RNF19A: variants seen among roughly 807,000 people sequenced by gnomAD.
RNF19A encodes ring finger protein 19A, RBR E3 ubiquitin protein ligase.
A neutral mutation model predicts 75.7 loss-of-function variants in RNF19A; 32 were observed. The observed-to-expected ratio is 0.42, with a 90% CI of 0.32 to 0.57. The LOEUF (loss-of-function observed/expected upper bound fraction) is 0.57, where lower values mean the gene tolerates loss of function less well. Among genes scored for constraint, RNF19A ranks in the 20% least tolerant of loss-of-function variants. The pLI is 0.10. For synonymous variants in RNF19A, 335 were observed against 345.2 expected (o/e 0.97, Z 0.33); for missense variants, 782 against 1,036.3 (o/e 0.75, Z 3.37).
chr8:100,299,856 T>A (rs1180072805), intron 1 of RNF19A, among the ~76,000 whole-genome samples: 1 of 152,240 alleles, frequency 6.6e-6, no homozygotes, highest in Non-Finnish European at 1.5e-5. Context: ...AAATTATTGA[T>A]AACAGTAGCA....
chr8:100,303,029 C>T (rs528481039), intron 1 of RNF19A: 1 of 152,308 alleles, frequency 6.6e-6, no homozygotes, highest in Admixed American at 6.5e-5. Context: ...CATCATAGCA[C>T]ATGATATAAA....
At chr8:100,265,218 T>C (rs925603018) in intron 5 of RNF19A, among the ~76,000 whole-genome samples, 2 of 152,220 alleles carry the variant, frequency 1.3e-5, no homozygotes, top group African/African-American at 2.4e-5. Flanking sequence ...CTAGGGAAGG[T>C]TTCTTTTTAA....
At chr8:100,291,345 T>G (rs1289119634) in intron 1 of RNF19A, among the ~76,000 whole-genome samples, 3 of 152,224 alleles carry the variant, frequency 2.0e-5, no homozygotes, top group Non-Finnish European at 2.9e-5. Context: ...TGCTTAGTAT[T>G]AAATGAATGA....
chr8:100,286,273 T>C (rs930716598), intron 2 of RNF19A, among the ~76,000 whole-genome samples: 5 of 152,222 alleles, frequency 3.3e-5, no homozygotes, highest in East Asian at 1.9e-4. Context: ...CCATTACACC[T>C]GGAAACACAG....
In RNF19A at chr8:100,269,360, A is replaced by G. The variant is rs1032151268; in HGVS notation, c.1029-413T>C. 6.6e-6 allele frequency among the ~76,000 whole-genome samples: 1 copy of G among 151,940 alleles called. No individual in the cohort carries two copies. Among genetic ancestry groups the G allele is most frequent in the East Asian group, 1.9e-4 (1 of 5,194 alleles). ...AAACGATAAAATTTATGTATGGGAAAATTCAATGAAGTATAAGGTAAGAAC... is the reference window on the plus strand; with the variant it reads ...AAACGATAAAATTTATGTATGGGAAGATTCAATGAAGTATAAGGTAAGAAC... On this transcript the variant is annotated intron_variant, in intron 4 of 9. Coordinates refer to ENST00000341084, the MANE Select transcript of RNF19A (RefSeq NM_183419.4). The surrounding 1 kb of genome is among the most constrained non-coding windows in gnomAD (Gnocchi z 5.7).
chr8:100,288,365 C>G (rs1259226311), intron 1 of RNF19A, 98 bp from the exon 2 acceptor site: 1 of 796,798 alleles, frequency 1.3e-6, no homozygotes, highest in East Asian at 3.5e-5. Flanking sequence ...TGTTTCTTAA[C>G]CATTAGTAGT....
Position 100,257,252 on chromosome 8 carries a change from T to G in RNF19A, c.*1304A>C, listed in dbSNP as rs750607849. The G allele has an allele frequency of 4.6e-5, 7 of 152,624 alleles. No homozygotes were observed. The highest frequency in any genetic ancestry group is 1.0e-4 in the Non-Finnish European group (7 of 68,030). 9.5% of individuals were successfully genotyped at this position (152,624 alleles called of 1,614,324 possible). The stretch of plus-strand genomic sequence containing the variant: ...GGAAGAAGACTGCAGCCCATGGCAT[T>G]TTTCTTTTTACCAAAAGAAAACGCT... On this transcript the variant is annotated 3_prime_UTR_variant, in exon 10 of 10. Transcript: ENST00000341084.
chr8:100,315,646 C>T (rs563579445), intron 1 of RNF19A, among the ~76,000 whole-genome samples: 9 of 152,064 alleles, frequency 5.9e-5, no homozygotes, highest in African/African-American at 2.2e-4. Flanking sequence ...TCTTCTTCGT[C>T]GTCTTGTTGT....
intron 1 of RNF19A, among the ~76,000 whole-genome samples, chr8:100,305,061 T>C (rs1014221711): frequency 6.6e-6 from 1 of 152,078 alleles, no homozygotes; most frequent in Non-Finnish European, 1.5e-5. Context: ...TCAGCCTCCC[T>C]AGTAGCTGGC....
chr8:100,279,740 T>C (rs1820694639), intron 2 of RNF19A, among the ~76,000 whole-genome samples: 1 of 152,070 alleles, frequency 6.6e-6, no homozygotes, highest in African/African-American at 2.4e-5. Context: ...TTGGCTAGGC[T>C]TGTCTCGAAC....
At chr8:100,285,598 T>C (rs1221077498) in intron 2 of RNF19A, among the ~76,000 whole-genome samples, 2 of 152,150 alleles carry the variant, frequency 1.3e-5, no homozygotes, top group Non-Finnish European at 2.9e-5. Flanking sequence ...CCAAAGGCTG[T>C]GACAACTTAA....
In RNF19A at chr8:100,329,200, T is replaced by A. The variant is rs73282795; in HGVS notation, c.-243+6908A>T. Among the ~76,000 whole-genome samples, 935 of 152,292 alleles carry A rather than the reference T, an allele frequency of 6.1e-3. 9 individuals carry two copies. The highest frequency in any genetic ancestry group is 0.022 in the African/African-American group (894 of 41,556). On this transcript the variant is annotated intron_variant, in intron 1 of 3. Transcript: ENST00000519527. The surrounding 1 kb of genome is among the most constrained non-coding windows in gnomAD (Gnocchi z 4.3). ...AGTGGGTGCAAAGGTTGGCAGTGGC[T>A]GACTTGAAACCACAGGTCAAAGCTC...
intron 1 of RNF19A, among the ~76,000 whole-genome samples, chr8:100,292,435 GGTGTGTGTGTGTGTGTGT>G (rs1554671903): frequency 6.9e-6 from 1 of 145,332 alleles, no homozygotes; most frequent in Non-Finnish European, 1.5e-5. Context: ...CTATCATATG[GGTGTGTGTGTGTGTGTGT>G]GTGTGTGTGT....
intron 1 of RNF19A, among the ~76,000 whole-genome samples, chr8:100,292,303 T>G (rs1821335477): frequency 1.3e-5 from 2 of 152,350 alleles, no homozygotes; most frequent in Non-Finnish European, 2.9e-5. Flanking sequence ...ATATTTTTAG[T>G]ATTGTCTCAC....
intron 2 of RNF19A, among the ~76,000 whole-genome samples, chr8:100,283,728 C>A (rs1820889031): frequency 6.6e-6 from 1 of 152,084 alleles, no homozygotes; most frequent in African/African-American, 2.4e-5. Context: ...AATGTTCATA[C>A]CTATAAATAA....
intron 1 of RNF19A, among the ~76,000 whole-genome samples, chr8:100,305,504 T>C (rs1586683146): frequency 6.6e-6 from 1 of 152,252 alleles, no homozygotes; most frequent in South Asian, 2.1e-4. Flanking sequence ...TTGGCTTAAA[T>C]GCATTATGAA....
intron 3 of RNF19A, among the ~76,000 whole-genome samples, chr8:100,273,929 C>T (rs1201734593): frequency 6.6e-6 from 1 of 151,938 alleles, no homozygotes; most frequent in Non-Finnish European, 1.5e-5. Flanking sequence ...ATTACAGGCG[C>T]CCGCCACCAC....
rs80305103 is a variant in RNF19A, at chr8:100,271,599, T to C, written c.884-1586A>G. On this transcript the variant is annotated intron_variant, in intron 3 of 9. Transcript: ENST00000341084. ...AAGGTAACATCCCCATTTATTCTTA[T>C]GGTTCTAAAAACACAAAACAGCCTT... Among the ~76,000 whole-genome samples the C allele has an allele frequency of 3.2e-4, 48 of 152,338 alleles. No homozygotes were observed. In the East Asian group the frequency reaches 6.9e-3, roughly 22 times the overall value.
Position 100,329,059 on chromosome 8 carries a change from G to A in RNF19A, c.-243+7049C>T, listed in dbSNP as rs757702229. On this transcript the variant is annotated intron_variant, in intron 1 of 3. Coordinates refer to the RNF19A transcript ENST00000519527. The surrounding 1 kb of genome is among the most constrained non-coding windows in gnomAD (Gnocchi z 4.3). ...AGGCCAGATGTGACTAATTCCAGGT[G>A]CCTCCAGATCTGTCCTGGCTGCTAC... is the stretch of plus-strand genomic sequence containing the variant. 4.6e-5 allele frequency among the ~76,000 whole-genome samples: 7 copies of A among 152,264 alleles called. 1 individual carries two copies. The highest frequency in any genetic ancestry group is 7.4e-5 in the Non-Finnish European group (5 of 68,012).
Sources: allele counts gnomAD v4.1 joint callset (sites outside exome capture counted in the v4.1 genomes callset), GRCh38; gene constraint gnomAD v4.1.1; non-coding constraint Gnocchi (gnomAD v3.1); transcripts MANE v1.5; gene names NCBI Gene and HGNC (gene_info 2026-07-23, HGNC 2026-07-21).